The following NANOGNB variants were observed in gnomAD, a reference collection of about 807,000 sequenced individuals.
NANOGNB encodes homeobox C14.
Under a neutral mutation model 25.0 loss-of-function variants are expected in NANOGNB, and 30 were observed. That is an observed-to-expected ratio of 1.20 (90% CI 0.90 to 1.63). The LOEUF is 1.63. Ranked by LOEUF, NANOGNB falls within the 40% of genes most tolerant of loss-of-function variation. The pLI is 0.00. For synonymous variants in NANOGNB, 84 were observed against 62.1 expected, an observed-to-expected ratio of 1.35 and a Z score of -1.66; for missense variants, 200 against 188.1, an observed-to-expected ratio of 1.06 and a Z score of -0.37.
intron 1 of NANOGNB, among the ~76,000 whole-genome samples, chr12:7,766,406 G>C (rs1865245282): frequency 6.6e-6 from 1 of 152,190 alleles, no homozygotes; most frequent in Non-Finnish European, 1.5e-5. Context: ...CCAGAAGGCA[G>C]AGGTTGTGGT....
intron 1 of NANOGNB, among the ~76,000 whole-genome samples, chr12:7,768,723 C>T (rs942375900): frequency 1.3e-5 from 2 of 151,834 alleles, no homozygotes; most frequent in African/African-American, 2.4e-5. Flanking sequence ...TAGTAGAGAC[C>T]GGGTTTCACT....
chr12:7,773,010 G>A (rs1463469540), intron 3 of NANOGNB, among the ~76,000 whole-genome samples: 1 of 151,952 alleles, frequency 6.6e-6, no homozygotes, highest in African/African-American at 2.4e-5. Context: ...TATAAATGAG[G>A]AAGCGTATAT....
Position 7,773,546 on chromosome 12 carries a change from C to CAAAAAAAAAAAAAAAAAAAAAAAAAAA in NANOGNB, c.516-247_516-221dup, listed in dbSNP as rs869038102. Among the ~76,000 whole-genome samples, 2 of 15,444 alleles carry CAAAAAAAAAAAAAAAAAAAAAAAAAAA rather than the reference C, an allele frequency of 1.3e-4. 1 individual carries two copies. The highest frequency in any genetic ancestry group is 2.7e-3 in the Admixed American group (2 of 754). The allele number at this position is 15,444 out of a possible 152,430, so 10.1% of individuals were successfully genotyped here. A position where few individuals can be genotyped will look rare whatever the true frequency, so the allele number is the denominator to read the frequency against. On this transcript the variant is annotated intron_variant, in intron 3 of 3. Coordinates refer to ENST00000382119, the MANE Select transcript of NANOGNB (RefSeq NM_001145465.1). ...TGAAACTCCATCTCTACTAAAAATA[C>CAAAAAAAAAAAAAAAAAAAAAAAAAAA]AAAAAAAAAAAAAAAAAAAAAAAAA...
chr12:7,773,381 T>G (rs893532209), intron 3 of NANOGNB, among the ~76,000 whole-genome samples: 2 of 151,432 alleles, frequency 1.3e-5, no homozygotes, highest in African/African-American at 4.9e-5. Flanking sequence ...TTTTCCAGAT[T>G]TAACATATTT....
chr12:7,773,354 G>T (rs1477888833), intron 3 of NANOGNB, among the ~76,000 whole-genome samples: 1 of 151,078 alleles, frequency 6.6e-6, no homozygotes, highest in Non-Finnish European at 1.5e-5. Flanking sequence ...GATTACTTTG[G>T]CCTTCAATGA....
At chr12:7,769,103 G>C (rs1162962619) in intron 1 of NANOGNB, among the ~76,000 whole-genome samples, 3 of 152,136 alleles carry the variant, frequency 2.0e-5, no homozygotes, top group Non-Finnish European at 4.4e-5. Context: ...TTTCGGACTT[G>C]CCAAGACAGT....
chr12:7,768,758 T>A (rs1350870053), intron 1 of NANOGNB, among the ~76,000 whole-genome samples: 1 of 152,020 alleles, frequency 6.6e-6, no homozygotes, highest in Non-Finnish European at 1.5e-5. Flanking sequence ...GGTCTCAATC[T>A]CCTGACCTCG....
At chr12:7,769,228 C>T (rs540404291) in intron 1 of NANOGNB, among the ~76,000 whole-genome samples, 71 of 152,182 alleles carry the variant, frequency 4.7e-4, no homozygotes, top group Middle Eastern at 6.8e-3. Context: ...GGTGCGATAT[C>T]GGCTTACTGC....
chr12:7,772,596 T>A (rs759784231), intron 3 of NANOGNB, among the ~76,000 whole-genome samples: 1,067 of 101,922 alleles, frequency 0.01, 6 homozygotes, highest in Non-Finnish European at 0.017. Flanking sequence ...TTTTTTTTTT[T>A]AATTTGAGAC....
chr12:7,773,734 A>G (rs891279391), intron 3 of NANOGNB, 66 bp from the exon 4 acceptor site: 1 of 551,808 alleles, frequency 1.8e-6, no homozygotes, highest in Non-Finnish European at 3.1e-6. Flanking sequence ...TCAAAAAAAA[A>G]TTTAAAATAA....
At chr12:7,768,127 G>A (rs1565471255) in intron 1 of NANOGNB, among the ~76,000 whole-genome samples, 1 of 152,104 alleles carries the variant, frequency 6.6e-6, no homozygotes, top group Admixed American at 6.6e-5. Context: ...GTTTAAAGGG[G>A]CAATTGCTGG....
At chr12:7,771,230 CTTG>C (rs1865289303) in intron 3 of NANOGNB, among the ~76,000 whole-genome samples, 1 of 151,970 alleles carries the variant, frequency 6.6e-6, no homozygotes, top group Non-Finnish European at 1.5e-5. Flanking sequence ...TGTTTGTTTG[CTTG>C]TTTTTGAGAC....
Position 7,769,386 on chromosome 12 carries a change from A to G in NANOGNB, c.103-597A>G, listed in dbSNP as rs775929423. 2.7e-5 allele frequency among the ~76,000 whole-genome samples: 4 copies of G among 149,694 alleles called. No homozygotes were observed. The East Asian group carries it at 7.9e-4, about 30-fold the overall frequency. On this transcript the variant is annotated intron_variant, in intron 1 of 3. Transcript: ENST00000382119. The stretch of plus-strand genomic sequence containing the variant: ...TTGCCAGGCTGGAGTGCAGTGGTGC[A>G]ACCTCAGCCCACTGCAACCTCTGCC...
At chr12:7,771,913 G>A (rs985755134) in intron 3 of NANOGNB, among the ~76,000 whole-genome samples, 3 of 152,042 alleles carry the variant, frequency 2.0e-5, no homozygotes, top group Admixed American at 6.6e-5. Flanking sequence ...GAACCTCCAC[G>A]CCTGGACTCA....
chr12:7,770,617 C>CT (rs199637395), intron 3 of NANOGNB, 99 bp downstream of exon 3: 34,182 of 565,570 alleles, frequency 0.06, no homozygotes, highest in South Asian at 0.088. Context: ...TGCCCATAAA[C>CT]TTTTTTTTTT....
chr12:7,769,169 AT>A (rs202191817), intron 1 of NANOGNB, among the ~76,000 whole-genome samples: 2 of 150,872 alleles, frequency 1.3e-5, no homozygotes, highest in African/African-American at 2.4e-5. Context: ...TTTTATTTTT[AT>A]TTTTTTTGAG....
At position 7,770,090 on chromosome 12, in the gene NANOGNB, CAGAA is replaced by C. The variant is rs1565471600; in HGVS notation, c.214_217del (p.Lys72GlufsTer36). On this transcript the variant is annotated frameshift_variant, in exon 2 of 4. Coordinates refer to ENST00000382119, the MANE Select transcript of NANOGNB (RefSeq NM_001145465.1). LOFTEE classifies it high-confidence loss of function. The stretch of plus-strand genomic sequence containing the variant: ...AATGGAGAGAAGAAGGAGAAGCAGG[CAGAA>C]AGAGAGAACGAGAAAAAGAAGAAAA... 17 of 1,537,666 alleles carry C rather than the reference CAGAA, an allele frequency of 1.1e-5. No individual in the cohort carries two copies. The highest frequency in any genetic ancestry group is 1.9e-4 in the Middle Eastern group (1 of 5,306).
At position 7,770,472 on chromosome 12, in the gene NANOGNB, T is replaced by C; in HGVS notation, c.469T>C (p.Tyr157His). ...SQWFCKTRKKYNKEMSKRKHK... is the reference protein window; with the variant it reads ...SQWFCKTRKKHNKEMSKRKHK... ...ATGGTTTTGTAAAACGAGGAAGAAA[T>C]ATAATAAAGAAATGTCCAAGAGAAA... Residue 157 changes from tyrosine (Y) to histidine (H), a missense_variant, in exon 3 of 4, where the codon TAT becomes CAT. Tyr to His is a moderately conservative substitution (Grantham distance 83). Coordinates refer to ENST00000382119, the MANE Select transcript of NANOGNB (RefSeq NM_001145465.1). 1 of 1,532,504 alleles carries C rather than the reference T, an allele frequency of 6.5e-7. No homozygotes were observed. The highest frequency in any genetic ancestry group is 2.5e-5 in the East Asian group (1 of 40,792). The allele number at this position is 1,532,504 out of a possible 1,614,324, so 94.9% of individuals were successfully genotyped here. A position where few individuals can be genotyped will look rare whatever the true frequency, so the allele number is the denominator to read the frequency against.
intron 1 of NANOGNB, among the ~76,000 whole-genome samples, chr12:7,767,370 G>T (rs1865254773): frequency 6.7e-6 from 1 of 148,236 alleles, no homozygotes; most frequent in South Asian, 2.2e-4. Flanking sequence ...AAGGATGTGG[G>T]TTACAAGAGG....
Sources: allele counts gnomAD v4.1 joint callset (sites outside exome capture counted in the v4.1 genomes callset), GRCh38; gene constraint gnomAD v4.1.1; transcripts MANE v1.5; gene names NCBI Gene and HGNC (gene_info 2026-07-23, HGNC 2026-07-21).